The following ZNF132 variants were observed in gnomAD, a reference collection of about 807,000 sequenced individuals.
ZNF132 encodes the protein zinc finger protein 132.
Under a neutral mutation model 9.3 loss-of-function variants are expected in ZNF132, and 6 were observed. The observed-to-expected ratio is 0.65, with a 90% CI of 0.35 to 1.28. The LOEUF is 1.28. Among genes scored for constraint, ZNF132 ranks in the 50% most tolerant of loss-of-function variants. The pLI is 0.03. For missense variants in ZNF132, 877 were observed against 843.2 expected (o/e 1.04, Z -0.50); for synonymous variants, 296 against 292.0 (o/e 1.01, Z -0.14).
At chr19:58,437,026 C>T in intron 2 of ZNF132, 21 bp downstream of exon 2, 1 of 1,614,120 alleles carries the variant, frequency 6.2e-7, no homozygotes, top group Non-Finnish European at 8.5e-7. Flanking sequence ...TAGTCATCAC[C>T]ATGCTGAGAC....
In ZNF132 at chr19:58,433,797, C is replaced by T; in HGVS notation, c.1647G>A (p.Gly549=). The change falls in exon 3 of 3, where the codon GGG becomes GGA. Residue 549 remains glycine (G), a synonymous_variant. Coordinates refer to ENST00000254166, the MANE Select transcript of ZNF132 (RefSeq NM_003433.4). ...GEKPYECSEC[G]KAFAHSSTLI... is the part of the protein sequence containing the mutation. ...GAGTGGAGCTGTGAGCAAAGGCTTT[C>T]CCACACTCACTACACTCGTAAGGCT... 6.2e-7 allele frequency: 1 copy of T among 1,614,072 alleles called. No individual in the cohort carries two copies. The highest frequency in any genetic ancestry group is 1.6e-4 in the Middle Eastern group (1 of 6,062).
intron 1 of ZNF132, chr19:58,437,790 G>A: frequency 2.0e-6 from 2 of 985,416 alleles, no homozygotes; most frequent in Non-Finnish European, 2.4e-6. Flanking sequence ...AAACCCCACT[G>A]CAAGAGGCAG....
In ZNF132 at chr19:58,434,231, A is replaced by G. The variant is rs1266006407; in HGVS notation, c.1213T>C (p.Cys405Arg). 1 of 1,613,932 alleles carries G rather than the reference A, an allele frequency of 6.2e-7. No homozygotes were observed. Among genetic ancestry groups the G allele is most frequent in the Non-Finnish European group, 8.5e-7 (1 of 1,180,040 alleles). ...CTGAAGGATTTACCACATTGACTGCACTCATAAGGTCTTACCTGTGTGTGA... is the reference window on the plus strand; with the variant it reads ...CTGAAGGATTTACCACATTGACTGCGCTCATAAGGTCTTACCTGTGTGTGA... ...KVHTQVRPYECSQCGKSFSRS... is the reference protein window; with the variant it reads ...KVHTQVRPYERSQCGKSFSRS... The change falls in exon 3 of 3, where the codon TGC (cysteine) becomes CGC (arginine). Residue 405 changes from cysteine to arginine, a missense_variant. Transcript: ENST00000254166.
chr19:58,434,214 T>C lies in ZNF132; in HGVS notation c.1230A>G (p.Lys410=). ...VRPYECSQCG[K]SFSRSSALIQ... is the part of the protein sequence containing the mutation. ...TGAGAGCAGAGCTTCGGCTGAAGGA[T>C]TTACCACATTGACTGCACTCATAAG... The change falls in exon 3 of 3, where the codon AAA becomes AAG. Residue 410 remains lysine (K), a synonymous_variant. Coordinates refer to ENST00000254166, the MANE Select transcript of ZNF132 (RefSeq NM_003433.4). The C allele has an allele frequency of 6.2e-7, 1 of 1,614,162 alleles. No homozygotes were observed. Among genetic ancestry groups the C allele is most frequent in the East Asian group, 2.2e-5 (1 of 44,884 alleles).
In ZNF132 at chr19:58,434,526, C is replaced by T; in HGVS notation, c.918G>A (p.Leu306=). The T allele has an allele frequency of 6.2e-7, 1 of 1,614,192 alleles. No homozygotes were observed. Among genetic ancestry groups the T allele is most frequent in the Non-Finnish European group, 8.5e-7 (1 of 1,180,028 alleles). ...CGKAFSHSSK[L]RKHQKFHTEV... ...CAGTGTGAAATTTCTGGTGCTTCCT[C>T]AGCTTAGATGAGTGACTAAAGGCCT... The change falls in exon 3 of 3, where the codon CTG becomes CTA. Residue 306 remains leucine, a synonymous_variant. Coordinates refer to ENST00000254166, the MANE Select transcript of ZNF132 (RefSeq NM_003433.4).
In ZNF132 at chr19:58,434,476, G is replaced by C; in HGVS notation, c.968C>G (p.Ala323Gly). The C allele has an allele frequency of 6.2e-7, 1 of 1,614,198 alleles. No individual in the cohort carries two copies. The highest frequency in any genetic ancestry group is 8.5e-7 in the Non-Finnish European group (1 of 1,180,044). ...TTTGTGGTTGAAGGTTTTCCCACAT[G>C]CAATGCACTCATAATATTTTACTTC... is the stretch of plus-strand genomic sequence containing the variant. ...HTEVKYYECI[A>G]CGKTFNHKLT... Residue 323 changes from alanine to glycine, a missense_variant, in exon 3 of 3, where the codon GCA becomes GGA. Transcript: ENST00000254166.
chr19:58,436,967 C>T, intron 2 of ZNF132, 80 bp downstream of exon 2: 2 of 1,600,220 alleles, frequency 1.2e-6, no homozygotes, highest in Non-Finnish European at 1.7e-6. Flanking sequence ...CATGATCTGG[C>T]TTTGGGATGA....
At chr19:58,439,007 C>T (rs1434088527) in intron 1 of ZNF132, among the ~76,000 whole-genome samples, 2 of 152,102 alleles carry the variant, frequency 1.3e-5, no homozygotes, top group Admixed American at 1.3e-4. Context: ...CTCCTGACCT[C>T]AAGTGATCTG....
chr19:58,435,085 CCACACATGT>C lies in ZNF132; in HGVS notation c.350_358del (p.Asp117_Cys119del). The C allele has an allele frequency of 6.2e-7, 1 of 1,614,096 alleles. No homozygotes were observed. The stretch of plus-strand genomic sequence containing the variant: ...GTGCAAAATGTCTTTCAAGAATGGC[CCACACATGT>C]CACAGGAGTTAGCTTTCTTGGTGGA... On this transcript the variant is annotated inframe_deletion, in exon 3 of 3. Transcript: ENST00000254166.
At position 58,435,328 on chromosome 19, in the gene ZNF132, G is replaced by C. The variant is rs1420895659; in HGVS notation, c.233-117C>G. On this transcript the variant is annotated intron_variant, in intron 2 of 2. Coordinates refer to ENST00000254166, the MANE Select transcript of ZNF132 (RefSeq NM_003433.4). Reference sequence around the variant, plus strand: ...GAAGAGGTCCCAGGGATTGCTGACAGGCCAACAGGGCCATCATCAGGGTGA... The same window carrying C: ...GAAGAGGTCCCAGGGATTGCTGACACGCCAACAGGGCCATCATCAGGGTGA... The C allele has an allele frequency of 5.4e-6, 6 of 1,120,954 alleles. No individual in the cohort carries two copies. The East Asian group carries it at 7.5e-5, about 14-fold the overall frequency. The allele number at this position is 1,120,954 out of a possible 1,614,324, so 69.4% of individuals were successfully genotyped here.
chr19:58,439,152 A>G (rs2052788483), intron 1 of ZNF132, among the ~76,000 whole-genome samples: 1 of 152,154 alleles, frequency 6.6e-6, no homozygotes, highest in Non-Finnish European at 1.5e-5. Context: ...CAGATTCAGA[A>G]GCCAACCATC....
In ZNF132 at chr19:58,436,705, C is replaced by G. The variant is rs140569296; in HGVS notation, c.232+342G>C. On this transcript the variant is annotated intron_variant, in intron 2 of 2. Transcript: ENST00000254166. ...AAAAAAAAAAAAAGGAAAAAAAAAT[C>G]TCATTGGGAAAGAGACAGAATCTGG... Among the ~76,000 whole-genome samples the G allele has an allele frequency of 4.3e-3, 616 of 141,770 alleles. 7 individuals are homozygous for G. The highest frequency in any genetic ancestry group is 0.015 in the African/African-American group (570 of 38,774). The allele number at this position is 141,770 out of a possible 152,430, so 93.0% of individuals were successfully genotyped here.
In ZNF132 at chr19:58,434,735, C is replaced by G; in HGVS notation, c.709G>C (p.Glu237Gln). 6.2e-7 allele frequency: 1 copy of G among 1,614,130 alleles called. No individual in the cohort carries two copies. Among genetic ancestry groups the G allele is most frequent in the Non-Finnish European group, 8.5e-7 (1 of 1,180,028 alleles). Residue 237 changes from glutamate (E) to glutamine (Q), a missense_variant, in exon 3 of 3, where the codon GAG becomes CAG. Transcript: ENST00000254166. ...AAGGCTTTTCCACAGTTGCTGCACT[C>G]GAAGAGTTTCTGTGTGGTACAGACT... Reference protein sequence around the residue: ...PEVCTTQKLFECSNCGKAFLK... With the variant: ...PEVCTTQKLFQCSNCGKAFLK...
At chr19:58,435,879 A>T (rs1225872508) in intron 2 of ZNF132, among the ~76,000 whole-genome samples, 2 of 152,232 alleles carry the variant, frequency 1.3e-5, no homozygotes, top group African/African-American at 2.4e-5. Flanking sequence ...TAGACGGATT[A>T]TAGGCACCTT....
intron 1 of ZNF132, among the ~76,000 whole-genome samples, chr19:58,438,359 A>G (rs1486844852): frequency 6.6e-6 from 1 of 152,080 alleles, no homozygotes; most frequent in African/African-American, 2.4e-5. Flanking sequence ...TGGCACCTCA[A>G]TTTGGTAGTG....
intron 2 of ZNF132, 148 bp downstream of exon 2, chr19:58,436,899 C>T (rs1387768138): frequency 9.4e-7 from 1 of 1,068,672 alleles, no homozygotes. Flanking sequence ...GAAGTACACA[C>T]AGCAGAACCT....
chr19:58,433,965 A>G lies in ZNF132; in HGVS notation c.1479T>C (p.Gly493=). Residue 493 remains glycine (G), a synonymous_variant, in exon 3 of 3, where the codon GGT becomes GGC. Transcript: ENST00000254166. ...GGGTGGAGCTATTACTGAAGGCTTT[A>G]CCACAATCACAGCATTCAAAAGGCC... ...GERPFECCDC[G]KAFSNSSTLI... The G allele has an allele frequency of 1.2e-6, 2 of 1,613,820 alleles. No homozygotes were observed. Among genetic ancestry groups the G allele is most frequent in the African/African-American group, 1.3e-5 (1 of 74,910 alleles).
In ZNF132 at chr19:58,434,248, T is replaced by C; in HGVS notation, c.1196A>G (p.Gln399Arg). The C allele has an allele frequency of 2.5e-6, 4 of 1,613,744 alleles. No individual in the cohort carries two copies. The highest frequency in any genetic ancestry group is 2.2e-5 in the East Asian group (1 of 44,804). ...TTGACTGCACTCATAAGGTCTTACC[T>C]GTGTGTGAACTTTCTGATGCCGAAG... ...NFLRHQKVHTQVRPYECSQCG... is the reference protein window; with the variant it reads ...NFLRHQKVHTRVRPYECSQCG... Residue 399 changes from glutamine (Q) to arginine (R), a missense_variant, in exon 3 of 3, where the codon CAG (glutamine) becomes CGG (arginine). Transcript: ENST00000254166.
chr19:58,434,994 G>C lies in ZNF132; in HGVS notation c.450C>G (p.Asp150Glu). 1 of 1,614,178 alleles carries C rather than the reference G, an allele frequency of 6.2e-7. No homozygotes were observed. Among genetic ancestry groups the C allele is most frequent in the Non-Finnish European group, 8.5e-7 (1 of 1,180,046 alleles). ...GGTGAAGGTTTGCATTCAACCAAAA[G>C]TCTCTCCCACATGCTCCACATGTGT... The part of the protein sequence containing the change: ...KPYTCGACGR[D>E]FWLNANLHQH... The change falls in exon 3 of 3, where the codon GAC (aspartate) becomes GAG (glutamate). Residue 150 changes from aspartate (D) to glutamate (E), a missense_variant. By Grantham distance (45) the Asp-to-Glu change is conservative. Coordinates refer to ENST00000254166, the MANE Select transcript of ZNF132 (RefSeq NM_003433.4).
Sources: gnomAD v4.1 joint callset for allele counts (sites outside exome capture counted in the v4.1 genomes callset) on GRCh38, gnomAD v4.1.1 for gene constraint, MANE v1.5 for transcripts, NCBI Gene and HGNC (gene_info 2026-07-23, HGNC 2026-07-21) for gene names.